Variants in ABCB4 observed in about 807,000 individuals in gnomAD.
The protein encoded by ABCB4 is ATP binding cassette subfamily B member 4.
ABCB4 carries 76 observed loss-of-function variants against 145.7 expected under a neutral mutation model. The observed-to-expected ratio is 0.52, with a 90% CI of 0.43 to 0.63. The LOEUF (loss-of-function observed/expected upper bound fraction) is 0.63, where lower values mean the gene tolerates loss of function less well. ABCB4 is among the 30% of genes least tolerant of loss of function. The probability of loss-of-function intolerance (pLI) is 0.00; values close to 1 mark genes in which losing one functional copy is unlikely to be tolerated. For missense variants in ABCB4, 1,234 were observed against 1,553.1 expected (o/e 0.79, Z 3.45); for synonymous variants, 517 against 566.8 (o/e 0.91, Z 1.25).
At chr7:87,371,855 A>G in the ABCB4 span, among the ~76,000 whole-genome samples, 7 of 152,084 alleles carry the variant, frequency 4.6e-5, no homozygotes, top group African/African-American at 1.7e-4. Flanking sequence ...GCTGGACATG[A>G]TAGTGCTACT....
intron 13 of ABCB4, 137 bp from the exon 14 acceptor site, chr7:87,439,974 G>A: frequency 7.8e-7 from 1 of 1,288,048 alleles, no homozygotes; most frequent in Non-Finnish European, 1.1e-6. Flanking sequence ...TAAGATAAAT[G>A]AATTCTGAAT....
At chr7:87,386,892 G>C in the ABCB4 span, among the ~76,000 whole-genome samples, 4,950 of 152,210 alleles carry the variant, frequency 0.033, 252 homozygotes, top group African/African-American at 0.11. Context: ...TATAGGCAAA[G>C]ATGCTTCCCT....
intron 2 of ABCB4, among the ~76,000 whole-genome samples, chr7:87,474,066 G>A (rs573631634): frequency 6.6e-6 from 1 of 152,140 alleles, no homozygotes; most frequent in Non-Finnish European, 1.5e-5. Context: ...TTAACTTTCT[G>A]TATTTCTCTT....
At chr7:87,368,241 C>T in the ABCB4 span, among the ~76,000 whole-genome samples, 31 of 152,276 alleles carry the variant, frequency 2.0e-4, no homozygotes, top group Non-Finnish European at 2.8e-4. Context: ...CTCAAATATC[C>T]GCCAGGTTTA....
chr7:87,408,180 G>C lies in ABCB4; in HGVS notation c.3136C>G (p.Arg1046Gly). ...FNEVVFNYPT[R>G]ANVPVLQGLS... ...CCCTGAAGCACTGGCACGTTTGCTC[G>C]GGTGGGATAGTTGAACACGACTTCA... is the stretch of plus-strand genomic sequence containing the variant. Residue 1046 changes from arginine (R) to glycine (G), a missense_variant, in exon 25 of 28, where the codon CGA becomes GGA. This residue lies in a region of ABCB4 where 301 missense variants were observed against 389.0 expected (regional missense o/e 0.77). Coordinates refer to ENST00000649586, the MANE Select transcript of ABCB4 (RefSeq NM_000443.4). 1 of 1,614,160 alleles carries C rather than the reference G, an allele frequency of 6.2e-7. No homozygotes were observed. The highest frequency in any genetic ancestry group is 8.5e-7 in the Non-Finnish European group (1 of 1,180,018).
chr7:87,467,635 G>A (rs11975741), intron 3 of ABCB4, among the ~76,000 whole-genome samples: 39,957 of 151,980 alleles, frequency 0.26, 6,300 homozygotes, highest in African/African-American at 0.45. Flanking sequence ...AATTGACCAC[G>A]TAGTTGGAAG....
At chr7:87,450,788 C>T (rs1004959403) in intron 7 of ABCB4, among the ~76,000 whole-genome samples, 1 of 152,082 alleles carries the variant, frequency 6.6e-6, no homozygotes, top group Non-Finnish European at 1.5e-5. Context: ...GGGCATTCTG[C>T]TGAATAATAA....
the ABCB4 span, chr7:87,375,835 AATATC>A: frequency 6.2e-7 from 1 of 1,613,502 alleles, no homozygotes; most frequent in South Asian, 1.1e-5. Flanking sequence ...TAGGCACGAG[AATATC>A]TGATTGGTCT....
chr7:87,409,532 T>G, intron 23 of ABCB4, 140 bp from the exon 24 acceptor site: 1 of 876,628 alleles, frequency 1.1e-6, no homozygotes, highest in Non-Finnish European at 1.8e-6. Context: ...TACATTTTCA[T>G]AAAATTCTAG....
chr7:87,445,827 T>G (rs763860699), intron 9 of ABCB4, among the ~76,000 whole-genome samples: 6 of 152,210 alleles, frequency 3.9e-5, no homozygotes, highest in Non-Finnish European at 8.8e-5. Context: ...ATAAGGTTAA[T>G]GCAATAGAGT....
intron 17 of ABCB4, among the ~76,000 whole-genome samples, chr7:87,422,433 ATTG>A (rs1326189228): frequency 6.6e-6 from 1 of 152,142 alleles, no homozygotes; most frequent in Admixed American, 6.5e-5. Context: ...GTACAGTCAC[ATTG>A]TTGTGCAACC....
chr7:87,457,701 TC>T (rs1812190563), intron 4 of ABCB4, among the ~76,000 whole-genome samples: 1 of 152,304 alleles, frequency 6.6e-6, no homozygotes, highest in East Asian at 1.9e-4. Context: ...GATGCTTACC[TC>T]TCAAAGATGA....
Position 87,475,670 on chromosome 7 carries a change from G to C in ABCB4, c.-43C>G. The C allele has an allele frequency of 1.6e-6, 1 of 609,944 alleles. No homozygotes were observed. 37.8% of individuals were successfully genotyped at this position (609,944 alleles called of 1,614,324 possible). A position where few individuals can be genotyped will look rare whatever the true frequency, so the allele number is the denominator to read the frequency against. On this transcript the variant is annotated 5_prime_UTR_variant, in exon 1 of 28. Transcript: ENST00000649586. ...CGCGTGTCTGGCAGGGCCTCTGGAC[G>C]CGCGGGCGCTGCAGCAGAGGGGCCT...
intron 25 of ABCB4, among the ~76,000 whole-genome samples, chr7:87,406,850 C>T (rs931746776): frequency 6.6e-6 from 1 of 152,158 alleles, no homozygotes; most frequent in Non-Finnish European, 1.5e-5. Context: ...TAATCCTAAC[C>T]CTTCACCTTG....
chr7:87,406,645 CA>C, intron 25 of ABCB4, 151 bp from the exon 26 acceptor site: 1 of 783,876 alleles, frequency 1.3e-6, no homozygotes, highest in Non-Finnish European at 2.0e-6. Flanking sequence ...TTGAGGCCAG[CA>C]TGGCCAACAT....
In ABCB4 at chr7:87,401,913, G is replaced by A. The variant is rs1338313108; in HGVS notation, c.*183C>T. The A allele has an allele frequency of 2.9e-5, 23 of 783,682 alleles. No individual in the cohort carries two copies. In the East Asian group the frequency reaches 6.2e-4, roughly 21 times the overall value. The allele number at this position is 783,682 out of a possible 1,614,324, so 48.5% of individuals were successfully genotyped here. A position where few individuals can be genotyped will look rare whatever the true frequency, so the allele number is the denominator to read the frequency against. On this transcript the variant is annotated 3_prime_UTR_variant, in exon 28 of 28. Transcript: ENST00000649586. ...TTGTTTCAATACTTCATCAAGACAG[G>A]TGTCACTTCTAACTCTCAAATTTCA... is the stretch of plus-strand genomic sequence containing the variant.
chr7:87,431,626 GCA>G (rs1474020484), intron 14 of ABCB4, 61 bp from the exon 15 acceptor site: 46 of 1,584,612 alleles, frequency 2.9e-5, no homozygotes, highest in Non-Finnish European at 3.9e-5. Flanking sequence ...CAATTAACAT[GCA>G]CAGTTAAGCA....
chr7:87,425,669 A>G (rs550782955), intron 16 of ABCB4, among the ~76,000 whole-genome samples: 6 of 152,226 alleles, frequency 3.9e-5, no homozygotes, highest in African/African-American at 1.4e-4. Context: ...TAATAAAATT[A>G]TTTGTTCCAG....
intron 23 of ABCB4, 94 bp from the exon 24 acceptor site, chr7:87,409,486 C>T (rs1003494733): frequency 1.6e-6 from 2 of 1,275,900 alleles, no homozygotes; most frequent in African/African-American, 2.9e-5. Context: ...AGTATTTTTT[C>T]CCTTTACTCC....
Sources: allele counts gnomAD v4.1 joint callset (sites outside exome capture counted in the v4.1 genomes callset), GRCh38; gene constraint gnomAD v4.1.1; regional missense constraint gnomAD v4.1.1; transcripts MANE v1.5; gene names NCBI Gene and HGNC (gene_info 2026-07-23, HGNC 2026-07-21).